The following CYTL1 variants were observed in gnomAD, a reference collection of about 807,000 sequenced individuals.
The protein encoded by CYTL1 is cytokine like 1.
Under a neutral mutation model 13.1 loss-of-function variants are expected in CYTL1, and 17 were observed. That is an observed-to-expected ratio of 1.29 (90% CI 0.89 to 1.94). CYTL1 has a LOEUF of 1.94. CYTL1 is among the 30% of genes most tolerant of loss of function. CYTL1 has a pLI of 0.00. For missense variants in CYTL1, 213 were observed against 174.8 expected (o/e 1.22, Z -1.23); for synonymous variants, 91 against 79.4 (o/e 1.15, Z -0.78).
At chr4:5,018,572 G>C (rs1344157000) in intron 1 of CYTL1, among the ~76,000 whole-genome samples, 1 of 152,238 alleles carries the variant, frequency 6.6e-6, no homozygotes, top group Non-Finnish European at 1.5e-5. Flanking sequence ...TTTCGACGGA[G>C]AAGCAGGCAG....
chr4:5,015,428 A>G (rs200665343), intron 3 of CYTL1, among the ~76,000 whole-genome samples, 194 bp from the exon 4 acceptor site: 1 of 62,872 alleles, frequency 1.6e-5, no homozygotes, highest in Non-Finnish European at 4.0e-5. Flanking sequence ...CATTTCCATA[A>G]TTTTCACTTC....
intron 1 of CYTL1, among the ~76,000 whole-genome samples, chr4:5,018,164 T>A (rs776824125): frequency 2.0e-5 from 3 of 152,192 alleles, no homozygotes; most frequent in Non-Finnish European, 2.9e-5. Context: ...AAAAGTAAGT[T>A]GCAAAACTGC....
Position 5,016,903 on chromosome 4 carries a change from G to A in CYTL1, c.260C>T (p.Ala87Val). 1.2e-6 allele frequency: 2 copies of A among 1,614,204 alleles called. No individual in the cohort carries two copies. Among genetic ancestry groups the A allele is most frequent in the Non-Finnish European group, 1.7e-6 (2 of 1,180,042 alleles). The part of the protein sequence containing the change: ...FVASPPCWKV[A>V]QVDSLKDKAR... ...TTTGTCCTTCAAGGAATCTACCTGG[G>A]CCACTTTCCAACACGGGGGCGAGGC... Residue 87 changes from alanine to valine, a missense_variant, in exon 3 of 4, where the codon GCC (alanine) becomes GTC (valine). Ala to Val is a moderately conservative substitution (Grantham distance 64). Transcript: ENST00000307746.
Position 5,017,166 on chromosome 4 carries a change from C to A in CYTL1, c.167G>T (p.Arg56Ile). The change falls in exon 2 of 4, where the codon AGA (arginine) becomes ATA (isoleucine). Residue 56 changes from arginine (R) to isoleucine (I), a missense_variant. Arg to Ile is a moderately conservative substitution (Grantham distance 97, BLOSUM62 -3). Coordinates refer to ENST00000307746, the MANE Select transcript of CYTL1 (RefSeq NM_018659.3). ...QVSEPSEPCV[R>I]YLPRLYLDIH... ...GTCCAGGTACAGCCTGGGCAGGTAT[C>A]TCACACATGGCTCCTGTGGAAAGGG... 1 of 1,614,014 alleles carries A rather than the reference C, an allele frequency of 6.2e-7. No individual in the cohort carries two copies.
At chr4:5,016,460 T>C (rs1346825832) in intron 3 of CYTL1, among the ~76,000 whole-genome samples, 1 of 152,140 alleles carries the variant, frequency 6.6e-6, no homozygotes, top group Non-Finnish European at 1.5e-5. Context: ...ATTTTAACTA[T>C]TGCTGATTTT....
chr4:5,019,135 A>C (rs1741141692), intron 1 of CYTL1, among the ~76,000 whole-genome samples, 158 bp downstream of exon 1: 1 of 151,428 alleles, frequency 6.6e-6, no homozygotes. Flanking sequence ...TCATATTTAA[A>C]AGGAGATGAA....
intron 1 of CYTL1, among the ~76,000 whole-genome samples, chr4:5,018,864 G>A (rs1741132032): frequency 6.6e-6 from 1 of 152,202 alleles, no homozygotes; most frequent in Non-Finnish European, 1.5e-5. Flanking sequence ...GCGGAGGCCA[G>A]TTCTGTGAGC....
chr4:5,016,839 C>G lies in CYTL1; in HGVS notation c.324G>C (p.Arg108Ser). The G allele has an allele frequency of 6.2e-7, 1 of 1,614,186 alleles. No individual in the cohort carries two copies. Among genetic ancestry groups the G allele is most frequent in the Non-Finnish European group, 8.5e-7 (1 of 1,180,020 alleles). Reference protein sequence around the residue: ...KLYTIMNSFCRRDLVFLLDDC... With the variant: ...KLYTIMNSFCSRDLVFLLDDC... ...ACTTTCAATGGCATCCACTTACTCT[C>G]CTGCAGAACGAGTTCATGATGGTGT... The change falls in exon 3 of 4, where the codon AGG becomes AGC. Residue 108 changes from arginine to serine, a missense_variant. By Grantham distance (110) the Arg-to-Ser change is moderately radical. Transcript: ENST00000307746.
chr4:5,018,173 G>A (rs761967835), intron 1 of CYTL1, among the ~76,000 whole-genome samples: 51 of 152,124 alleles, frequency 3.4e-4, no homozygotes, highest in Non-Finnish European at 2.9e-5. Context: ...TTGCAAAACT[G>A]CTTGTGCTGT....
rs1741032568 is a variant in CYTL1, at chr4:5,014,739, T to C, written c.*412A>G. 1 of 185,432 alleles carries C rather than the reference T, an allele frequency of 5.4e-6. No individual in the cohort carries two copies. The highest frequency in any genetic ancestry group is 6.1e-5 in the Admixed American group (1 of 16,298). The allele number at this position is 185,432 out of a possible 1,614,324, so 11.5% of individuals were successfully genotyped here. ...AAGTCTGTGTTAGAAAAAGGCATAA[T>C]AGAAGCTTGGTTAAATGTAAGCAGG... On this transcript the variant is annotated 3_prime_UTR_variant, in exon 4 of 4. Transcript: ENST00000307746.
chr4:5,018,902 G>A (rs1741132783), intron 1 of CYTL1, among the ~76,000 whole-genome samples: 2 of 151,872 alleles, frequency 1.3e-5, no homozygotes, highest in Admixed American at 6.6e-5. Flanking sequence ...TCCTCACTAG[G>A]CTAACAAAAG....
At chr4:5,018,068 G>A (rs549290225) in intron 1 of CYTL1, among the ~76,000 whole-genome samples, 3 of 152,302 alleles carry the variant, frequency 2.0e-5, no homozygotes, top group South Asian at 4.1e-4. Context: ...GTCTATATTC[G>A]ATAACAAGAA....
chr4:5,019,234 C>A (rs1213626054), intron 1 of CYTL1, 59 bp downstream of exon 1: 47 of 1,313,326 alleles, frequency 3.6e-5, no homozygotes, highest in Admixed American at 6.2e-5. Flanking sequence ...CGTGTAAAGG[C>A]AAGGGTTTAA....
rs367811457 is a variant in CYTL1, at chr4:5,015,033, A to G, written c.*118T>C. The G allele has an allele frequency of 1.0e-4, 88 of 850,662 alleles. No homozygotes were observed. The highest frequency in any genetic ancestry group is 3.3e-4 in the Middle Eastern group (1 of 3,016). 52.7% of individuals were successfully genotyped at this position (850,662 alleles called of 1,614,324 possible). ...TGTTTTCCAGAAGGTAGAGAGATAC[A>G]TAACAGTTTCAGATACAACTAACAC... On this transcript the variant is annotated 3_prime_UTR_variant, in exon 4 of 4. Transcript: ENST00000307746.
At position 5,014,806 on chromosome 4, in the gene CYTL1, C is replaced by A; in HGVS notation, c.*345G>T. 8.1e-6 allele frequency: 2 copies of A among 245,638 alleles called. No individual in the cohort carries two copies. The highest frequency in any genetic ancestry group is 1.6e-5 in the Non-Finnish European group (2 of 127,732). 15.2% of individuals were successfully genotyped at this position (245,638 alleles called of 1,614,324 possible). ...ATAAAAGTACCATTACTCCATTAAA[C>A]CAGTAATAAAAACATACTATTGTGC... On this transcript the variant is annotated 3_prime_UTR_variant, in exon 4 of 4. Coordinates refer to ENST00000307746, the MANE Select transcript of CYTL1 (RefSeq NM_018659.3).
Position 5,016,982 on chromosome 4 carries a change from G to T in CYTL1, c.199-18C>A. ...CAGTAATTCTGGGAGTGGGCAATGGGGAGGGGGCTTGTGGGAGAAGTCAGT... is the reference window on the plus strand; with the variant it reads ...CAGTAATTCTGGGAGTGGGCAATGGTGAGGGGGCTTGTGGGAGAAGTCAGT... On this transcript the variant is annotated intron_variant, in intron 2 of 3. Transcript: ENST00000307746. The T allele has an allele frequency of 1.9e-6, 3 of 1,614,110 alleles. No individual in the cohort carries two copies. The highest frequency in any genetic ancestry group is 1.3e-5 in the African/African-American group (1 of 75,038).
At chr4:5,019,199 T>C (rs1741142658) in intron 1 of CYTL1, 94 bp downstream of exon 1, 2 of 1,103,048 alleles carry the variant, frequency 1.8e-6, no homozygotes, top group East Asian at 3.0e-5. Flanking sequence ...AAATATCCTT[T>C]TCTCTCTCTC....
Position 5,016,912 on chromosome 4 carries a change from C to T in CYTL1, c.251G>A (p.Trp84Ter). ...LRDFVASPPC[W>*]KVAQVDSLKD... ...CAAGGAATCTACCTGGGCCACTTTC[C>T]AACACGGGGGCGAGGCCACAAAGTC... Residue 84 changes from tryptophan to a stop codon, truncating the protein, a stop_gained, in exon 3 of 4, where the codon TGG becomes TAG. Transcript: ENST00000307746. LOFTEE classifies it high-confidence loss of function. The T allele has an allele frequency of 6.2e-7, 1 of 1,614,202 alleles. No individual in the cohort carries two copies. Among genetic ancestry groups the T allele is most frequent in the Non-Finnish European group, 8.5e-7 (1 of 1,180,030 alleles).
chr4:5,018,250 G>A (rs1741122085), intron 1 of CYTL1, among the ~76,000 whole-genome samples: 1 of 152,088 alleles, frequency 6.6e-6, no homozygotes, highest in Admixed American at 6.5e-5. Context: ...CCTATATGTA[G>A]ACAGAAAGCT....
Sources: gnomAD v4.1 joint callset for allele counts (sites outside exome capture counted in the v4.1 genomes callset) on GRCh38, gnomAD v4.1.1 for gene constraint, MANE v1.5 for transcripts, NCBI Gene and HGNC (gene_info 2026-07-23, HGNC 2026-07-21) for gene names.